HOMER1: variants seen among roughly 807,000 people sequenced by gnomAD.
HOMER1 encodes homer scaffold protein 1, also known as homer protein homolog 1.
HOMER1 carries 3 observed loss-of-function variants against 48.9 expected under a neutral mutation model. The ratio of observed to expected loss-of-function variants is 0.06; its 90% CI spans 0.03 to 0.16. The LOEUF is 0.16. HOMER1 is among the 10% of genes least tolerant of loss of function. The pLI, the probability that HOMER1 is intolerant of heterozygous loss-of-function variation, is 1.00. For missense variants in HOMER1, 247 were observed against 411.4 expected, an observed-to-expected ratio of 0.60 and a Z score of 3.46; for synonymous variants, 134 against 146.4, an observed-to-expected ratio of 0.92 and a Z score of 0.61.
chr5:79,438,927 C>A, intron 5 of HOMER1, 83 bp downstream of exon 5: 9 of 1,125,890 alleles, frequency 8.0e-6, no homozygotes, highest in East Asian at 5.4e-5. Flanking sequence ...TCACTCAAAG[C>A]TTGTAACTAC....
Position 79,502,980 on chromosome 5 carries a change from CA to C in HOMER1, c.5+9789del, listed in dbSNP as rs200955120. 2.1e-3 allele frequency among the ~76,000 whole-genome samples: 303 copies of C among 143,590 alleles called. 1 individual carries two copies. The highest frequency in any genetic ancestry group is 5.7e-3 in the Admixed American group (84 of 14,826). The allele number at this position is 143,590 out of a possible 152,430, so 94.2% of individuals were successfully genotyped here. A position where few individuals can be genotyped will look rare whatever the true frequency, so the allele number is the denominator to read the frequency against. On this transcript the variant is annotated intron_variant, in intron 1 of 8. Transcript: ENST00000334082. ...TAATTTTTTGTATTTTAAGTAGAGA[CA>C]GGGTTTCACCGTGTTAGCCAGGACG...
Position 79,375,903 on chromosome 5 carries a change from AATTT to A in HOMER1, c.*102_*105del. On this transcript the variant is annotated 3_prime_UTR_variant, in exon 9 of 9. Coordinates refer to ENST00000334082, the MANE Select transcript of HOMER1 (RefSeq NM_004272.5). ...TCCTCCTCCTGGAGGAGTGATATTC[AATTT>A]TTTTTTTTTTTTTTTTGTGCAATCT... 1 of 526,706 alleles carries A rather than the reference AATTT, an allele frequency of 1.9e-6. No individual in the cohort carries two copies. The highest frequency in any genetic ancestry group is 3.0e-6 in the Non-Finnish European group (1 of 329,370). The allele number at this position is 526,706 out of a possible 1,614,324, so 32.6% of individuals were successfully genotyped here. A position where few individuals can be genotyped will look rare whatever the true frequency, so the allele number is the denominator to read the frequency against.
intron 1 of HOMER1, among the ~76,000 whole-genome samples, chr5:79,493,759 TC>T (rs1210608696): frequency 6.6e-6 from 1 of 152,170 alleles, no homozygotes; most frequent in Non-Finnish European, 1.5e-5. Flanking sequence ...TGCCACAGAC[TC>T]CTTTGCCAGA....
intron 1 of HOMER1, among the ~76,000 whole-genome samples, chr5:79,488,626 C>G (rs1752184929): frequency 6.6e-6 from 1 of 152,178 alleles, no homozygotes; most frequent in Non-Finnish European, 1.5e-5. Flanking sequence ...GGACCTTTTT[C>G]TTACTGTACA....
intron 8 of HOMER1, among the ~76,000 whole-genome samples, chr5:79,379,230 ATATAT>A (rs1018126188): frequency 1.7e-4 from 12 of 69,236 alleles, no homozygotes; most frequent in African/African-American, 6.5e-4. Flanking sequence ...TATCTATAAT[ATATAT>A]TATATATTAT....
chr5:79,510,413 G>C (rs933016455), intron 1 of HOMER1: 2 of 638,294 alleles, frequency 3.1e-6, no homozygotes, highest in African/African-American at 1.8e-5. Context: ...CGCTTCAGGA[G>C]CCGCGCCTTA....
At chr5:79,397,723 GTA>G in intron 6 of HOMER1, 86 bp from the exon 7 acceptor site, 1 of 668,526 alleles carries the variant, frequency 1.5e-6, no homozygotes, top group Non-Finnish European at 2.6e-6. Flanking sequence ...TAAGTGAATA[GTA>G]TATTCTGAAT....
chr5:79,489,536 G>A (rs1253110996), intron 1 of HOMER1, among the ~76,000 whole-genome samples: 3 of 151,908 alleles, frequency 2.0e-5, no homozygotes, highest in Non-Finnish European at 4.4e-5. Flanking sequence ...CAGCCTGGGC[G>A]ACAGAGCAAG....
chr5:79,432,547 T>G (rs944032038), intron 5 of HOMER1, among the ~76,000 whole-genome samples: 16 of 152,204 alleles, frequency 1.1e-4, no homozygotes, highest in African/African-American at 3.9e-4. Flanking sequence ...GAATAGTTTT[T>G]TTCTTGTGAA....
chr5:79,409,450 A>T (rs1165939948), intron 5 of HOMER1, among the ~76,000 whole-genome samples: 2 of 151,580 alleles, frequency 1.3e-5, no homozygotes, highest in African/African-American at 4.8e-5. Flanking sequence ...AAAAAGGAGA[A>T]AACCTTTGTG....
chr5:79,453,541 CTTCT>C (rs571276372), intron 2 of HOMER1, among the ~76,000 whole-genome samples: 67 of 152,230 alleles, frequency 4.4e-4, no homozygotes, highest in Non-Finnish European at 8.5e-4. Flanking sequence ...TATTTCTTAG[CTTCT>C]TTGAGTAGAA....
chr5:79,494,339 C>T (rs555953181), intron 1 of HOMER1, among the ~76,000 whole-genome samples: 14 of 152,182 alleles, frequency 9.2e-5, no homozygotes, highest in Non-Finnish European at 2.1e-4. Flanking sequence ...TCTCAAGGTT[C>T]CTTCAATTTG....
At chr5:79,503,755 ATAAG>A (rs1752673328) in intron 1 of HOMER1, among the ~76,000 whole-genome samples, 1 of 151,938 alleles carries the variant, frequency 6.6e-6, no homozygotes, top group Admixed American at 6.6e-5. Flanking sequence ...GAAGAAAATC[ATAAG>A]TAAGAGAAAA....
chr5:79,388,484 T>G (rs565169934), intron 8 of HOMER1, among the ~76,000 whole-genome samples: 1 of 152,288 alleles, frequency 6.6e-6, no homozygotes, highest in South Asian at 2.1e-4. Flanking sequence ...TAAAAACACT[T>G]GAGTAGATGA....
At chr5:79,409,084 G>A (rs866722685) in intron 5 of HOMER1, among the ~76,000 whole-genome samples, 94 of 109,500 alleles carry the variant, frequency 8.6e-4, no homozygotes, top group African/African-American at 1.3e-3. Context: ...TTTGTCTTGA[G>A]AAAAAAAAAA....
At chr5:79,499,077 G>A (rs1752502697) in intron 1 of HOMER1, among the ~76,000 whole-genome samples, 1 of 151,904 alleles carries the variant, frequency 6.6e-6, no homozygotes, top group African/African-American at 2.4e-5. Flanking sequence ...CTTGTGATCT[G>A]CCCACCTCGG....
At position 79,372,739 on chromosome 5, in the gene HOMER1, T is replaced by A. The variant is rs145708970; in HGVS notation, c.*3270A>T. The A allele has an allele frequency of 7.9e-5, 12 of 152,168 alleles. No individual in the cohort carries two copies. The highest frequency in any genetic ancestry group is 2.6e-4 in the Admixed American group (4 of 15,268). 9.4% of individuals were successfully genotyped at this position (152,168 alleles called of 1,614,324 possible). A position where few individuals can be genotyped will look rare whatever the true frequency, so the allele number is the denominator to read the frequency against. On this transcript the variant is annotated 3_prime_UTR_variant, in exon 9 of 9. Transcript: ENST00000334082. The stretch of plus-strand genomic sequence containing the variant: ...TGACAAAATCAGGACCACAAGGAGA[T>A]AAATGACCGAAGTGTATATGCTTCA...
intron 8 of HOMER1, among the ~76,000 whole-genome samples, chr5:79,377,152 G>A (rs1748793133): frequency 6.6e-6 from 1 of 152,166 alleles, no homozygotes; most frequent in South Asian, 2.1e-4. Context: ...TTTTAGTAGA[G>A]ACGGGGTTTC....
chr5:79,389,071 C>T (rs1351067772), intron 8 of HOMER1, among the ~76,000 whole-genome samples: 1 of 151,880 alleles, frequency 6.6e-6, no homozygotes, highest in Non-Finnish European at 1.5e-5. Flanking sequence ...AAGGAAAAAT[C>T]CTCAGGGCAC....
Sources: gnomAD v4.1 joint callset for allele counts (sites outside exome capture counted in the v4.1 genomes callset) on GRCh38, gnomAD v4.1.1 for gene constraint, MANE v1.5 for transcripts, NCBI Gene and HGNC (gene_info 2026-07-23, HGNC 2026-07-21) for gene names.